SNRPD3: variants seen among roughly 807,000 people sequenced by gnomAD.
SNRPD3 encodes the protein small nuclear ribonucleoprotein D3 polypeptide.
For synonymous variants in SNRPD3, 66 were observed against 58.4 expected, an observed-to-expected ratio of 1.13 and a Z score of -0.59; for missense variants, 73 against 167.5, an observed-to-expected ratio of 0.44 and a Z score of 3.11.
At chr22:24,560,065 C>G (rs979498828) in intron 2 of SNRPD3, among the ~76,000 whole-genome samples, 10 of 84,134 alleles carry the variant, frequency 1.2e-4, no homozygotes, top group Admixed American at 4.9e-4. Flanking sequence ...ATGACTTCAT[C>G]TTAACATAAT....
At chr22:24,562,636 AC>A (rs1425516740) in intron 2 of SNRPD3, among the ~76,000 whole-genome samples, 1 of 151,896 alleles carries the variant, frequency 6.6e-6, no homozygotes, top group Non-Finnish European at 1.5e-5. Flanking sequence ...ACTTGAGCCC[AC>A]CCAGCAGTTC....
chr22:24,560,818 T>C (rs766583552), intron 2 of SNRPD3, among the ~76,000 whole-genome samples: 21 of 146,506 alleles, frequency 1.4e-4, no homozygotes, highest in Non-Finnish European at 3.0e-4. Context: ...AACCTCCGTC[T>C]TCCCGGGTTT....
chr22:24,564,883 C>CTTTTTT lies in SNRPD3; in HGVS notation c.127-3101_127-3100insTTTTTT, dbSNP rs371010665. On this transcript the variant is annotated intron_variant, in intron 2 of 3. Coordinates refer to ENST00000215829, the MANE Select transcript of SNRPD3 (RefSeq NM_004175.5). ...GCATTTAGACATACTTTGCCTTGTT[C>CTTTTTT]ATTTTTTTTTTTTTTTTTTTGACAG... is the stretch of plus-strand genomic sequence containing the variant. 8.7e-5 allele frequency among the ~76,000 whole-genome samples: 11 copies of CTTTTTT among 127,160 alleles called. 3 individuals are homozygous for CTTTTTT. The highest frequency in any genetic ancestry group is 8.6e-5 in the Non-Finnish European group (5 of 58,448). 83.4% of individuals were successfully genotyped at this position (127,160 alleles called of 152,430 possible).
chr22:24,567,906 C>T, intron 2 of SNRPD3, 78 bp from the exon 3 acceptor site: 7 of 1,129,884 alleles, frequency 6.2e-6, no homozygotes, highest in Non-Finnish European at 7.7e-6. Flanking sequence ...TTCTGGACTT[C>T]CCCCTCCCAC....
chr22:24,555,784 C>T (rs1174700188), upstream of SNRPD3: 7 of 1,549,906 alleles, frequency 4.5e-6, no homozygotes, highest in Non-Finnish European at 6.1e-6. Context: ...TGGCTCTTTG[C>T]CGGCCCCAAG....
chr22:24,574,045 C>A lies in SNRPD3; in HGVS notation c.*2068C>A, dbSNP rs2045269634. On this transcript the variant is annotated 3_prime_UTR_variant, in exon 4 of 4. Coordinates refer to ENST00000215829, the MANE Select transcript of SNRPD3 (RefSeq NM_004175.5). ...CTTAAGTATTCTATCTTAAGTAGACCTAAAGCCGTATTTTGACCCTGTACT... is the reference window on the plus strand; with the variant it reads ...CTTAAGTATTCTATCTTAAGTAGACATAAAGCCGTATTTTGACCCTGTACT... Among the ~76,000 whole-genome samples the A allele has an allele frequency of 6.6e-6, 1 of 152,160 alleles. No homozygotes were observed. Among genetic ancestry groups the A allele is most frequent in the African/African-American group, 2.4e-5 (1 of 41,420 alleles).
At chr22:24,555,840 G>A (rs955456274), upstream of SNRPD3, 10 of 1,542,596 alleles carry the variant, frequency 6.5e-6, no homozygotes, top group African/African-American at 1.4e-4. Flanking sequence ...CCTCTTTTCC[G>A]GTGCCGGAAC....
At chr22:24,563,306 ATTT>A (rs139630564) in intron 2 of SNRPD3, among the ~76,000 whole-genome samples, 5 of 65,194 alleles carry the variant, frequency 7.7e-5, no homozygotes, top group African/African-American at 1.6e-4. Flanking sequence ...ATATATATAT[ATTT>A]TTTTTTTTAA....
chr22:24,557,636 CTG>C lies in SNRPD3; in HGVS notation c.-18-19_-18-18del, dbSNP rs746801268. 1 of 1,593,088 alleles carries C rather than the reference CTG, an allele frequency of 6.3e-7. No homozygotes were observed. The highest frequency in any genetic ancestry group is 1.7e-5 in the Admixed American group (1 of 59,228). On this transcript the variant is annotated intron_variant, in intron 1 of 3. Coordinates refer to ENST00000215829, the MANE Select transcript of SNRPD3 (RefSeq NM_004175.5). The stretch of plus-strand genomic sequence containing the variant: ...TTTCAGACTCTGAAAGATGAACTGA[CTG>C]TTGTCTCTCTCATTGTAGAACTCTC...
intron 2 of SNRPD3, among the ~76,000 whole-genome samples, chr22:24,563,218 G>T (rs1421484854): frequency 1.1e-5 from 1 of 93,014 alleles, no homozygotes; most frequent in Non-Finnish European, 2.6e-5. Context: ...GTGTGTGTGT[G>T]TGTGTGTGTG....
At chr22:24,558,815 G>T (rs1305368233) in intron 2 of SNRPD3, among the ~76,000 whole-genome samples, 1 of 152,152 alleles carries the variant, frequency 6.6e-6, no homozygotes, top group Non-Finnish European at 1.5e-5. Flanking sequence ...AGAAATGGGC[G>T]GACTGGCACC....
At position 24,574,795 on chromosome 22, in the gene SNRPD3, G is replaced by A. The variant is rs112606759; in HGVS notation, c.*2818G>A. On this transcript the variant is annotated 3_prime_UTR_variant, in exon 4 of 4. Transcript: ENST00000215829. ...GGGCTCAAGTGATCTGCCCGCCTCG[G>A]CCTGCTGGGATTATAGGTGTGAGCC... Among the ~76,000 whole-genome samples the A allele has an allele frequency of 6.6e-6, 1 of 152,072 alleles. No homozygotes were observed. Among genetic ancestry groups the A allele is most frequent in the Non-Finnish European group, 1.5e-5 (1 of 68,012 alleles).
At chr22:24,555,952 C>G, upstream of SNRPD3, 5 of 992,828 alleles carry the variant, frequency 5.0e-6, no homozygotes, top group Non-Finnish European at 7.3e-6. Context: ...GCGGGCCCTG[C>G]GCGCAGCATT....
chr22:24,567,661 G>A (rs1007729978), intron 2 of SNRPD3, among the ~76,000 whole-genome samples: 1 of 151,976 alleles, frequency 6.6e-6, no homozygotes, highest in East Asian at 1.9e-4. Flanking sequence ...CAGGAGAATC[G>A]CTTGAACCCG....
At chr22:24,557,622 G>C in intron 1 of SNRPD3, 35 bp from the exon 2 acceptor site, 1 of 1,563,460 alleles carries the variant, frequency 6.4e-7, no homozygotes, top group Non-Finnish European at 8.8e-7. Flanking sequence ...TTCAGACTCT[G>C]AAAGATGAAC....
intron 3 of SNRPD3, among the ~76,000 whole-genome samples, 166 bp from the exon 4 acceptor site, chr22:24,571,750 T>TGA (rs374082994): frequency 3.4e-4 from 45 of 131,532 alleles, no homozygotes; most frequent in South Asian, 7.2e-4. Context: ...TCTCAAAAAA[T>TGA]AAAAAAAAAA....
chr22:24,571,739 G>A (rs1398894297), intron 3 of SNRPD3, among the ~76,000 whole-genome samples, 177 bp from the exon 4 acceptor site: 1 of 148,812 alleles, frequency 6.7e-6, no homozygotes, highest in African/African-American at 2.5e-5. Flanking sequence ...GTGGGACTCC[G>A]TCTCAAAAAA....
In SNRPD3 at chr22:24,563,202, A is replaced by ATGTGTG. The variant is rs1491542810; in HGVS notation, c.127-4781_127-4780insGTGTGT. On this transcript the variant is annotated intron_variant, in intron 2 of 3. Coordinates refer to ENST00000215829, the MANE Select transcript of SNRPD3 (RefSeq NM_004175.5). ...GGGCAACACAGTGAGACCCTGTCTCATATATGTGTGTGTGTGTGTGTGTGT... is the reference window on the plus strand; with the variant it reads ...GGGCAACACAGTGAGACCCTGTCTCATGTGTGTATATGTGTGTGTGTGTGTGTGTGT... Among the ~76,000 whole-genome samples, 1,209 of 138,848 alleles carry ATGTGTG rather than the reference A, an allele frequency of 8.7e-3. 32 individuals carry two copies. Among genetic ancestry groups the ATGTGTG allele is most frequent in the African/African-American group, 0.031 (1,098 of 35,816 alleles). 91.1% of individuals were successfully genotyped at this position (138,848 alleles called of 152,430 possible).
chr22:24,556,150 C>G lies in SNRPD3; in HGVS notation c.-19+79C>G. The G allele has an allele frequency of 8.7e-6, 4 of 458,754 alleles. No individual in the cohort carries two copies. The East Asian group carries it at 1.5e-4, about 17-fold the overall frequency. 28.4% of individuals were successfully genotyped at this position (458,754 alleles called of 1,614,324 possible). On this transcript the variant is annotated intron_variant, in intron 1 of 3. Transcript: ENST00000215829. ...CTGGAGAAAGACTTGCTGCATGGAA[C>G]TCTGCGGGGCTCGGGGAGGGAAGAA...
Sources: gnomAD v4.1 joint callset for allele counts (sites outside exome capture counted in the v4.1 genomes callset) on GRCh38, gnomAD v4.1.1 for gene constraint, MANE v1.5 for transcripts, NCBI Gene and HGNC (gene_info 2026-07-23, HGNC 2026-07-21) for gene names.